The following EEFSEC variants were observed in gnomAD, a reference collection of about 807,000 sequenced individuals.
EEFSEC encodes selenocysteine-specific elongation factor.
EEFSEC carries 43 observed loss-of-function variants against 42.1 expected under a neutral mutation model. The observed-to-expected ratio is 1.02, with a 90% confidence interval of 0.80 to 1.32. The LOEUF is 1.32. Ranked by LOEUF, EEFSEC falls within the 40% of genes most tolerant of loss-of-function variation. The pLI, the probability that EEFSEC is intolerant of heterozygous loss-of-function variation, is 0.00. For missense variants in EEFSEC, 745 were observed against 803.6 expected, an observed-to-expected ratio of 0.93 and a Z score of 0.88; for synonymous variants, 354 against 339.1, an observed-to-expected ratio of 1.04 and a Z score of -0.48.
At chr3:128,187,764 G>C (rs2065479740) in intron 1 of EEFSEC, among the ~76,000 whole-genome samples, 1 of 152,226 alleles carries the variant, frequency 6.6e-6, no homozygotes, top group African/African-American at 2.4e-5. Context: ...GGGTTTCAGA[G>C]GTGCGAGTCA....
chr3:128,390,722 G>T (rs2067898570), intron 6 of EEFSEC, among the ~76,000 whole-genome samples: 2 of 152,190 alleles, frequency 1.3e-5, no homozygotes, highest in Middle Eastern at 3.2e-3. Flanking sequence ...TCAGGAGCCA[G>T]ACCCAGCCCC....
chr3:128,169,467 C>T (rs1431942608), intron 1 of EEFSEC, among the ~76,000 whole-genome samples: 3 of 152,168 alleles, frequency 2.0e-5, no homozygotes, highest in African/African-American at 7.2e-5. Context: ...TGAAATAGGA[C>T]ACGGTGAGAC....
Position 128,322,018 on chromosome 3 carries a change from C to T in EEFSEC, c.787-19215C>T, listed in dbSNP as rs149200807. The stretch of plus-strand genomic sequence containing the variant: ...GCAGTGCTCGTTCACACAGCAGCAC[C>T]GCTCCTCTCTGTCCCCTCACTGAGT... On this transcript the variant is annotated intron_variant, in intron 4 of 6. Transcript: ENST00000254730. 1.8e-3 allele frequency among the ~76,000 whole-genome samples: 274 copies of T among 152,320 alleles called. 1 individual carries two copies. Among genetic ancestry groups the T allele is most frequent in the African/African-American group, 6.0e-3 (251 of 41,574 alleles).
intron 6 of EEFSEC, chr3:128,367,912 C>T (rs2067609238): frequency 1.1e-6 from 1 of 911,342 alleles, no homozygotes. Context: ...AAGCTGCCTC[C>T]TGCGATCACT....
At chr3:128,349,260 G>T (rs1341573608) in intron 5 of EEFSEC, among the ~76,000 whole-genome samples, 2 of 152,166 alleles carry the variant, frequency 1.3e-5, no homozygotes, top group Non-Finnish European at 2.9e-5. Flanking sequence ...TGGGGGCTAT[G>T]GGGGGTGTTC....
At chr3:128,196,764 C>T (rs2107810753) in intron 1 of EEFSEC, among the ~76,000 whole-genome samples, 1 of 152,314 alleles carries the variant, frequency 6.6e-6, no homozygotes, top group South Asian at 2.1e-4. Context: ...CACTCGATGG[C>T]CTCTGGAACC....
chr3:128,176,089 G>A (rs1206574515), intron 1 of EEFSEC, among the ~76,000 whole-genome samples: 1 of 152,134 alleles, frequency 6.6e-6, no homozygotes, highest in African/African-American at 2.4e-5. Context: ...TCTGTAAGTG[G>A]TGTTAGCTAT....
intron 5 of EEFSEC, among the ~76,000 whole-genome samples, chr3:128,354,303 G>A (rs1245088189): frequency 6.6e-6 from 1 of 152,140 alleles, no homozygotes; most frequent in African/African-American, 2.4e-5. Context: ...AAGAGAGCAG[G>A]AGTGACAGAG....
chr3:128,312,178 A>C (rs1021731750), intron 4 of EEFSEC, among the ~76,000 whole-genome samples: 1 of 152,240 alleles, frequency 6.6e-6, no homozygotes, highest in African/African-American at 2.4e-5. Flanking sequence ...TATGTGGCAG[A>C]TACAAAGCCA....
chr3:128,174,660 C>T (rs1047077660), intron 1 of EEFSEC, among the ~76,000 whole-genome samples: 4 of 152,164 alleles, frequency 2.6e-5, no homozygotes, highest in Non-Finnish European at 5.9e-5. Flanking sequence ...TTCATTTCTT[C>T]ACCTGTTTAA....
chr3:128,338,690 C>T (rs888168687), intron 4 of EEFSEC, among the ~76,000 whole-genome samples: 6 of 152,100 alleles, frequency 3.9e-5, no homozygotes, highest in South Asian at 2.1e-4. Context: ...AATGTGGGGC[C>T]GAAAAGGCTG....
intron 4 of EEFSEC, among the ~76,000 whole-genome samples, chr3:128,314,942 G>C (rs1416329622): frequency 6.6e-6 from 1 of 152,164 alleles, no homozygotes; most frequent in African/African-American, 2.4e-5. Context: ...GGCAGGGATG[G>C]GGGTCGCCTG....
chr3:128,334,976 C>T (rs2067174310), intron 4 of EEFSEC, among the ~76,000 whole-genome samples: 1 of 152,254 alleles, frequency 6.6e-6, no homozygotes, highest in African/African-American at 2.4e-5. Context: ...CAGCCCTATC[C>T]TCCCATTTGG....
chr3:128,237,221 A>G (rs777040699), intron 1 of EEFSEC, among the ~76,000 whole-genome samples: 1 of 152,182 alleles, frequency 6.6e-6, no homozygotes, highest in Non-Finnish European at 1.5e-5. Context: ...GTATTTTCCT[A>G]TACAGAGATA....
chr3:128,310,338 T>C (rs55764615), intron 4 of EEFSEC, among the ~76,000 whole-genome samples: 1 of 152,376 alleles, frequency 6.6e-6, no homozygotes, highest in Non-Finnish European at 1.5e-5. Flanking sequence ...CTCCGCATCT[T>C]TCAGCTTTGA....
At chr3:128,399,905 A>G (rs1243994966) in intron 6 of EEFSEC, among the ~76,000 whole-genome samples, 1 of 152,162 alleles carries the variant, frequency 6.6e-6, no homozygotes, top group Non-Finnish European at 1.5e-5. Flanking sequence ...AGGGGTCTGC[A>G]TTCAGACTCA....
intron 4 of EEFSEC, among the ~76,000 whole-genome samples, chr3:128,274,068 T>A (rs1265016972): frequency 6.6e-6 from 1 of 152,156 alleles, no homozygotes; most frequent in Non-Finnish European, 1.5e-5. Flanking sequence ...GCCAGGTGGA[T>A]GTCTTAGGAT....
At chr3:128,331,793 TGCA>T (rs1204827113) in intron 4 of EEFSEC, among the ~76,000 whole-genome samples, 2 of 152,188 alleles carry the variant, frequency 1.3e-5, no homozygotes, top group African/African-American at 4.8e-5. Flanking sequence ...TTTAAAGGCC[TGCA>T]GCCTCAGGTG....
chr3:128,266,635 C>A (rs1428581010), intron 4 of EEFSEC, among the ~76,000 whole-genome samples: 1 of 149,606 alleles, frequency 6.7e-6, no homozygotes, highest in African/African-American at 2.4e-5. Context: ...AGTCGAATGG[C>A]AGGGCCCCAC....
Sources: allele counts gnomAD v4.1 joint callset (sites outside exome capture counted in the v4.1 genomes callset), GRCh38; gene constraint gnomAD v4.1.1; transcripts MANE v1.5; gene names NCBI Gene and HGNC (gene_info 2026-07-23, HGNC 2026-07-21).